NCAM2: variants seen among roughly 807,000 people sequenced by gnomAD.
NCAM2 encodes neural cell adhesion molecule 2.
NCAM2 carries 30 observed loss-of-function variants against 98.1 expected under a neutral mutation model. The ratio of observed to expected loss-of-function variants is 0.31; its 90% confidence interval spans 0.23 to 0.41. The LOEUF is 0.41. Among genes scored for constraint, NCAM2 ranks in the 10% least tolerant of loss-of-function variants. NCAM2 has a pLI of 1.00. For missense variants in NCAM2, 867 were observed against 1,005.8 expected, an observed-to-expected ratio of 0.86 and a Z score of 1.87; for synonymous variants, 368 against 342.4, an observed-to-expected ratio of 1.07 and a Z score of -0.83.
chr21:21,298,787 T>C (rs1009351945), intron 5 of NCAM2, among the ~76,000 whole-genome samples: 3 of 151,680 alleles, frequency 2.0e-5, no homozygotes, highest in Admixed American at 1.3e-4. Flanking sequence ...TGTCATAATA[T>C]CATATTTGAA....
intron 5 of NCAM2, among the ~76,000 whole-genome samples, chr21:21,318,176 G>A (rs1053377552): frequency 4.6e-5 from 7 of 152,132 alleles, no homozygotes; most frequent in Non-Finnish European, 8.8e-5. Flanking sequence ...CTTTCATGTA[G>A]AATATTGTTA....
intron 1 of NCAM2, among the ~76,000 whole-genome samples, chr21:21,205,041 TA>T (rs1232290323): frequency 6.6e-6 from 1 of 152,124 alleles, no homozygotes; most frequent in Non-Finnish European, 1.5e-5. Flanking sequence ...CATATATATA[TA>T]TATGCAAGTG....
intron 11 of NCAM2, among the ~76,000 whole-genome samples, chr21:21,430,936 C>T (rs764664096): frequency 6.6e-6 from 1 of 150,868 alleles, no homozygotes; most frequent in Non-Finnish European, 1.5e-5. Flanking sequence ...GTCCCAGCTA[C>T]TCTGGAGGCT....
intron 16 of NCAM2, among the ~76,000 whole-genome samples, chr21:21,523,628 A>G (rs1989155953): frequency 6.6e-6 from 1 of 152,056 alleles, no homozygotes; most frequent in Admixed American, 6.6e-5. Flanking sequence ...GAATGGTAAC[A>G]ATGATATAAG....
At chr21:21,341,486 TG>T (rs2075035255) in intron 8 of NCAM2, among the ~76,000 whole-genome samples, 1 of 152,180 alleles carries the variant, frequency 6.6e-6, no homozygotes, top group South Asian at 2.1e-4. Flanking sequence ...TGACACCTGA[TG>T]GGGGCTTGGG....
intron 16 of NCAM2, among the ~76,000 whole-genome samples, chr21:21,525,356 T>C (rs1052306449): frequency 5.9e-5 from 9 of 152,122 alleles, no homozygotes; most frequent in Admixed American, 5.9e-4. Context: ...GACAGCATTG[T>C]CATTCAAAGG....
intron 8 of NCAM2, among the ~76,000 whole-genome samples, chr21:21,364,584 T>C (rs1457745032): frequency 6.6e-6 from 1 of 152,026 alleles, no homozygotes; most frequent in Non-Finnish European, 1.5e-5. Context: ...AAAATGTATG[T>C]GTAGCCTGTA....
intron 1 of NCAM2, among the ~76,000 whole-genome samples, chr21:21,082,288 A>AAAAC (rs1555882222): frequency 1.3e-5 from 2 of 150,140 alleles, no homozygotes; most frequent in Non-Finnish European, 3.0e-5. Context: ...AAACAAAAAA[A>AAAAC]AAAAAACAAA....
intron 10 of NCAM2, among the ~76,000 whole-genome samples, chr21:21,416,526 CT>C (rs1347720159): frequency 7.9e-6 from 1 of 127,372 alleles, no homozygotes; most frequent in East Asian, 2.1e-4. Flanking sequence ...AAGAAAAACA[CT>C]ATCTTTCAAG....
intron 16 of NCAM2, among the ~76,000 whole-genome samples, chr21:21,534,033 G>A (rs989328670): frequency 1.3e-5 from 2 of 151,954 alleles, no homozygotes; most frequent in Non-Finnish European, 1.5e-5. Context: ...TTTAAAAGAA[G>A]ACAACACATA....
chr21:21,519,913 A>G (rs1056456862), intron 16 of NCAM2, among the ~76,000 whole-genome samples: 1 of 152,054 alleles, frequency 6.6e-6, no homozygotes, highest in African/African-American at 2.4e-5. Context: ...CATTAATTAC[A>G]CCTAAAGCAT....
At chr21:21,274,143 C>T (rs1260684824) in intron 1 of NCAM2, among the ~76,000 whole-genome samples, 7 of 148,496 alleles carry the variant, frequency 4.7e-5, no homozygotes, top group African/African-American at 1.8e-4. Context: ...CCAGCCTGGG[C>T]GACAAGAGCT....
chr21:21,311,031 C>G (rs2074033627), intron 5 of NCAM2, among the ~76,000 whole-genome samples: 1 of 152,170 alleles, frequency 6.6e-6, no homozygotes, highest in Non-Finnish European at 1.5e-5. Context: ...TATCATTTAT[C>G]CAACTGTTCT....
At chr21:21,006,224 G>A (rs545595234) in intron 1 of NCAM2, among the ~76,000 whole-genome samples, 1 of 152,146 alleles carries the variant, frequency 6.6e-6, no homozygotes, top group South Asian at 2.1e-4. Flanking sequence ...GTTGATCCAT[G>A]GGTTGGGAGT....
intron 4 of NCAM2, among the ~76,000 whole-genome samples, chr21:21,287,168 T>C (rs528919230): frequency 6.6e-6 from 1 of 152,112 alleles, no homozygotes; most frequent in Admixed American, 6.6e-5. Flanking sequence ...TTAGAATTTT[T>C]TCAATGCACC....
At chr21:21,359,487 T>G (rs1411107421) in intron 8 of NCAM2, among the ~76,000 whole-genome samples, 1 of 151,998 alleles carries the variant, frequency 6.6e-6, no homozygotes, top group Non-Finnish European at 1.5e-5. Flanking sequence ...ATTTTTAAAT[T>G]GAATATGTCT....
chr21:21,071,168 G>C (rs2065554794), intron 1 of NCAM2, among the ~76,000 whole-genome samples: 1 of 152,148 alleles, frequency 6.6e-6, no homozygotes, highest in Non-Finnish European at 1.5e-5. Context: ...ATGAGTAAAT[G>C]AGATCTTCAA....
At chr21:21,340,702 C>T (rs2075003688) in intron 8 of NCAM2, among the ~76,000 whole-genome samples, 1 of 151,798 alleles carries the variant, frequency 6.6e-6, no homozygotes, top group Admixed American at 6.6e-5. Flanking sequence ...ACTTCTTTTC[C>T]CCTAATATTT....
intron 1 of NCAM2, among the ~76,000 whole-genome samples, chr21:21,098,583 TAGGG>T (rs1306150138): frequency 2.0e-5 from 3 of 151,832 alleles, no homozygotes; most frequent in Non-Finnish European, 1.5e-5. Flanking sequence ...TCTTCTCTAT[TAGGG>T]AGGTATTATC....
Sources: gnomAD v4.1 joint callset for allele counts (sites outside exome capture counted in the v4.1 genomes callset) on GRCh38, gnomAD v4.1.1 for gene constraint, MANE v1.5 for transcripts, NCBI Gene and HGNC (gene_info 2026-07-23, HGNC 2026-07-21) for gene names.